Variants in CNIH3 observed in about 807,000 individuals in gnomAD.
The protein encoded by CNIH3 is cornichon family AMPA receptor auxiliary protein 3.
A neutral mutation model predicts 24.1 loss-of-function variants in CNIH3; 14 were observed. The observed-to-expected ratio is 0.58, with a 90% CI of 0.38 to 0.91. The LOEUF is 0.91. CNIH3 is among the 40% of genes least tolerant of loss of function. The pLI, the probability that CNIH3 is intolerant of heterozygous loss-of-function variation, is 0.00. For synonymous variants in CNIH3, 68 were observed against 73.8 expected (o/e 0.92, Z 0.40); for missense variants, 178 against 196.8 (o/e 0.90, Z 0.57).
At chr1:224,541,551 C>T (rs945978912), downstream of CNIH3, among the ~76,000 whole-genome samples, 11 of 152,132 alleles carry the variant, frequency 7.2e-5, no homozygotes, top group Non-Finnish European at 5.9e-5. Context: ...AGTGGTTACC[C>T]TGAGCTGAGT....
intron 3 of CNIH3, among the ~76,000 whole-genome samples, chr1:224,719,307 G>A (rs749914709): frequency 6.6e-6 from 1 of 152,110 alleles, no homozygotes; most frequent in Non-Finnish European, 1.5e-5. Flanking sequence ...TTATTGCTTA[G>A]GAGTGGTAAT....
chr1:224,672,643 C>CT (rs1685926650), intron 1 of CNIH3, among the ~76,000 whole-genome samples: 2 of 152,130 alleles, frequency 1.3e-5, no homozygotes, highest in African/African-American at 2.4e-5. Context: ...CACTGTGTGG[C>CT]TTTTTTTCTA....
intron 1 of CNIH3, among the ~76,000 whole-genome samples, chr1:224,509,336 AGGAAAGAAGAAG>A (rs1424121381): frequency 1.3e-5 from 2 of 152,164 alleles, no homozygotes; most frequent in African/African-American, 2.4e-5. Flanking sequence ...GAAAGACGAA[AGGAAAGAAGAAG>A]GGAAAGAAGA....
intron 1 of CNIH3, among the ~76,000 whole-genome samples, chr1:224,495,353 C>T (rs1157470361): frequency 3.9e-5 from 6 of 152,186 alleles, no homozygotes; most frequent in Admixed American, 3.9e-4. Flanking sequence ...TGATTTTTTA[C>T]TACAAGATCA....
chr1:224,597,748 GA>G lies in CNIH3; in HGVS notation n.402+31485del, dbSNP rs1203557646. Among the ~76,000 whole-genome samples, 11 of 152,274 alleles carry G rather than the reference GA, an allele frequency of 7.2e-5. No individual in the cohort carries two copies. In the South Asian group the frequency reaches 2.3e-3, roughly 32 times the overall value. On this transcript the variant is annotated intron_variant and non_coding_transcript_variant, in intron 3 of 7. Transcript: ENST00000478120. The stretch of plus-strand genomic sequence containing the variant: ...ATAATAAACTGGTAAGTATAAATAA[GA>G]GTTTCCATGAGTTCTGTGAGCTGCT...
chr1:224,541,303 TAA>T (rs1043588215), downstream of CNIH3, among the ~76,000 whole-genome samples: 8 of 152,186 alleles, frequency 5.3e-5, no homozygotes, highest in Admixed American at 2.6e-4. Flanking sequence ...TTTATGACAT[TAA>T]GTGTCACTTC....
chr1:224,619,377 C>G (rs529766506), intron 1 of CNIH3, among the ~76,000 whole-genome samples: 33 of 152,360 alleles, frequency 2.2e-4, no homozygotes, highest in Non-Finnish European at 3.7e-4. Flanking sequence ...AATTCCAACT[C>G]AGGTTTTATC....
intron 4 of CNIH3, chr1:224,575,291 G>C (rs376270048): frequency 1.0e-5 from 11 of 1,067,264 alleles, no homozygotes; most frequent in East Asian, 9.5e-5. Context: ...TGAACAGCCA[G>C]GATATGACCA....
chr1:224,718,936 C>G (rs1183976067), intron 3 of CNIH3: 2 of 152,226 alleles, frequency 1.3e-5, no homozygotes, highest in Non-Finnish European at 2.9e-5. Flanking sequence ...ACCCCTTTGC[C>G]TACTCACCAG....
At chr1:224,462,897 CTTTT>C (rs71572901) in intron 1 of CNIH3, among the ~76,000 whole-genome samples, 1 of 73,398 alleles carries the variant, frequency 1.4e-5, no homozygotes, top group African/African-American at 5.3e-5. Context: ...ATATGTTTAA[CTTTT>C]TTTTTTTTTT....
At chr1:224,498,839 G>A (rs1365511094) in intron 1 of CNIH3, among the ~76,000 whole-genome samples, 1 of 152,216 alleles carries the variant, frequency 6.6e-6, no homozygotes, top group African/African-American at 2.4e-5. Context: ...AAAGGGCAGC[G>A]GGGAAAGGCG....
chr1:224,655,068 G>A (rs1404273447), intron 1 of CNIH3, among the ~76,000 whole-genome samples: 2 of 152,152 alleles, frequency 1.3e-5, no homozygotes, highest in Non-Finnish European at 2.9e-5. Flanking sequence ...AAACCAACAG[G>A]GATGATGTGG....
exon 3 of CNIH3, chr1:224,546,833 C>G (rs1339415681): frequency 1.1e-6 from 1 of 933,626 alleles, no homozygotes; most frequent in Non-Finnish European, 1.3e-6. Context: ...CTCCAGTGAT[C>G]CTCATGGAAC....
intron 1 of CNIH3, among the ~76,000 whole-genome samples, chr1:224,675,077 C>T (rs755138017): frequency 1.3e-5 from 2 of 152,132 alleles, no homozygotes; most frequent in Admixed American, 1.3e-4. Context: ...GCTTTGCTGC[C>T]AACTTTTCTT....
At chr1:224,691,510 G>A (rs1686979636) in intron 3 of CNIH3, among the ~76,000 whole-genome samples, 1 of 152,210 alleles carries the variant, frequency 6.6e-6, no homozygotes, top group African/African-American at 2.4e-5. Context: ...CCAATGCACT[G>A]GTTCAAGGAG....
chr1:224,611,769 C>A (rs1167364790), upstream of CNIH3, among the ~76,000 whole-genome samples: 1 of 152,194 alleles, frequency 6.6e-6, no homozygotes, highest in Non-Finnish European at 1.5e-5. Context: ...TCACCATCTC[C>A]CTTGCCTTCC....
chr1:224,625,945 T>TG (rs1271518589), intron 1 of CNIH3, among the ~76,000 whole-genome samples: 1 of 152,106 alleles, frequency 6.6e-6, no homozygotes, highest in East Asian at 1.9e-4. Flanking sequence ...TACCCATTTT[T>TG]TTTTTAATCA....
At chr1:224,643,138 A>G (rs1301592719) in intron 1 of CNIH3, among the ~76,000 whole-genome samples, 1 of 152,162 alleles carries the variant, frequency 6.6e-6, no homozygotes, top group African/African-American at 2.4e-5. Context: ...TTCACTTTGT[A>G]TTCCTGTCCT....
chr1:224,494,973 A>G (rs1359758784), intron 1 of CNIH3, among the ~76,000 whole-genome samples: 1 of 152,220 alleles, frequency 6.6e-6, no homozygotes. Context: ...GAGCCCCCCA[A>G]GCTGCTCCTT....
Sources: gnomAD v4.1 joint callset for allele counts (sites outside exome capture counted in the v4.1 genomes callset) on GRCh38, gnomAD v4.1.1 for gene constraint, MANE v1.5 for transcripts, NCBI Gene and HGNC (gene_info 2026-07-23, HGNC 2026-07-21) for gene names.